The following ASIC2 variants were observed in gnomAD, a reference collection of about 807,000 sequenced individuals.
ASIC2 encodes the protein acid-sensing ion channel 2.
In ASIC2, 25 loss-of-function variants were observed where a neutral mutation model predicts 57.3. The observed-to-expected ratio is 0.44, with a 90% CI of 0.32 to 0.61. The LOEUF is 0.61. ASIC2 is among the 20% of genes least tolerant of loss of function. ASIC2 has a pLI of 0.06. For synonymous variants in ASIC2, 319 were observed against 307.5 expected (o/e 1.04, Z -0.39); for missense variants, 641 against 738.1 (o/e 0.87, Z 1.52).
intron 1 of ASIC2, among the ~76,000 whole-genome samples, chr17:33,851,005 C>A (rs1300646627): frequency 6.6e-6 from 1 of 152,036 alleles, no homozygotes; most frequent in Non-Finnish European, 1.5e-5. Flanking sequence ...TGGAAAGATC[C>A]CTCATGGAAG....
At chr17:33,124,443 C>A (rs1445642479) in intron 1 of ASIC2, among the ~76,000 whole-genome samples, 9 of 152,224 alleles carry the variant, frequency 5.9e-5, no homozygotes, top group Admixed American at 5.9e-4. Context: ...CTCTTTCCCT[C>A]TGGGACTCAC....
intron 1 of ASIC2, among the ~76,000 whole-genome samples, chr17:33,586,485 A>G (rs916032202): frequency 1.3e-5 from 2 of 152,092 alleles, no homozygotes; most frequent in Non-Finnish European, 2.9e-5. Context: ...AGAACCTTGC[A>G]TTGCTCTTGG....
intron 1 of ASIC2, among the ~76,000 whole-genome samples, chr17:33,397,893 G>A (rs925695115): frequency 3.3e-5 from 5 of 152,150 alleles, no homozygotes; most frequent in African/African-American, 1.2e-4. Context: ...TTTTAAAATC[G>A]TTCTTTAGTC....
At position 34,155,370 on chromosome 17, in the gene ASIC2, C is replaced by G. The variant is rs563557540; in HGVS notation, c.555+608G>C. ...CCCTGGGGTGCCCGGCCTCTCCTCTCCCCACATGGAGCTTAGAATTCACAC... is the reference window on the plus strand; with the variant it reads ...CCCTGGGGTGCCCGGCCTCTCCTCTGCCCACATGGAGCTTAGAATTCACAC... On this transcript the variant is annotated intron_variant, in intron 1 of 9. Transcript: ENST00000359872. Among the ~76,000 whole-genome samples the G allele has an allele frequency of 3.9e-5, 6 of 152,216 alleles. No homozygotes were observed. The South Asian group carries it at 1.2e-3, about 32-fold the overall frequency.
rs550868831 is a variant in ASIC2, at chr17:33,043,147, G to A, written c.988-14755C>T. The stretch of plus-strand genomic sequence containing the variant: ...TCACCGTGTTAGCCAGAATGGCCTC[G>A]ATCTCCTGACCTTGTGATCTGCCTT... On this transcript the variant is annotated intron_variant, in intron 3 of 9. Coordinates refer to ENST00000225823, the MANE Select transcript of ASIC2 (RefSeq NM_183377.2). Among the ~76,000 whole-genome samples the A allele has an allele frequency of 2.0e-5, 3 of 152,238 alleles. No homozygotes were observed. The East Asian group carries it at 5.8e-4, about 29-fold the overall frequency.
intron 1 of ASIC2, among the ~76,000 whole-genome samples, chr17:33,531,420 G>A (rs989710183): frequency 4.6e-5 from 7 of 152,162 alleles, no homozygotes; most frequent in African/African-American, 1.4e-4. Context: ...GTCAAGACAC[G>A]TGGGCCTCAA....
chr17:34,118,087 C>T (rs953345482), intron 1 of ASIC2, among the ~76,000 whole-genome samples: 3 of 152,150 alleles, frequency 2.0e-5, no homozygotes, highest in African/African-American at 7.2e-5. Context: ...GGTAGTTAAG[C>T]ATAGTGATTA....
At chr17:33,037,431 A>G (rs1367982382) in intron 3 of ASIC2, among the ~76,000 whole-genome samples, 11 of 135,412 alleles carry the variant, frequency 8.1e-5, no homozygotes, top group African/African-American at 3.2e-4. Context: ...CATGATTCAG[A>G]TACCCCTCCA....
intron 1 of ASIC2, among the ~76,000 whole-genome samples, chr17:33,594,714 G>C (rs1033789444): frequency 5.9e-5 from 9 of 151,986 alleles, no homozygotes; most frequent in African/African-American, 2.2e-4. Flanking sequence ...TGTAGTCCCA[G>C]CTACTCGGGA....
intron 1 of ASIC2, among the ~76,000 whole-genome samples, chr17:33,752,287 G>T (rs1386167785): frequency 6.6e-6 from 1 of 152,056 alleles, no homozygotes; most frequent in Admixed American, 6.5e-5. Flanking sequence ...AAATTAAAAT[G>T]AATCTAATTT....
At chr17:33,604,543 A>C (rs1233259748) in intron 1 of ASIC2, among the ~76,000 whole-genome samples, 2 of 152,210 alleles carry the variant, frequency 1.3e-5, no homozygotes, top group African/African-American at 2.4e-5. Context: ...GGGATGGAAC[A>C]CAAATGACAG....
chr17:33,857,071 A>C (rs1913976568), intron 1 of ASIC2, among the ~76,000 whole-genome samples: 1 of 152,066 alleles, frequency 6.6e-6, no homozygotes, highest in African/African-American at 2.4e-5. Flanking sequence ...GAGGGTGTGC[A>C]TTGCTCTCTG....
At chr17:33,842,249 C>T (rs1364286944) in intron 1 of ASIC2, among the ~76,000 whole-genome samples, 1 of 152,156 alleles carries the variant, frequency 6.6e-6, no homozygotes, top group Non-Finnish European at 1.5e-5. Context: ...GGCCTCAGTG[C>T]CCTGTACAGC....
intron 1 of ASIC2, among the ~76,000 whole-genome samples, chr17:34,122,230 T>G (rs1911642911): frequency 6.6e-6 from 1 of 152,208 alleles, no homozygotes; most frequent in Admixed American, 6.5e-5. Context: ...ATCATTATCT[T>G]CCTGGTATTC....
chr17:34,118,184 T>G (rs919269749), intron 1 of ASIC2, among the ~76,000 whole-genome samples: 1 of 152,194 alleles, frequency 6.6e-6, no homozygotes, highest in African/African-American at 2.4e-5. Context: ...GTTTACTTAA[T>G]TTTTCTAAGC....
chr17:34,130,529 G>A (rs11870384), intron 1 of ASIC2, among the ~76,000 whole-genome samples: 49,513 of 152,162 alleles, frequency 0.33, 8,982 homozygotes, highest in Middle Eastern at 0.45. Flanking sequence ...CAGGGAAAGA[G>A]ACAAGAAAGA....
chr17:33,483,146 G>A (rs186355544), intron 1 of ASIC2, among the ~76,000 whole-genome samples: 8 of 152,220 alleles, frequency 5.3e-5, no homozygotes, highest in Admixed American at 4.6e-4. Flanking sequence ...AGATCTACGC[G>A]GCCTCCTGAC....
intron 1 of ASIC2, among the ~76,000 whole-genome samples, chr17:33,562,468 A>T (rs777376440): frequency 7.2e-5 from 11 of 152,216 alleles, no homozygotes; most frequent in Non-Finnish European, 1.5e-4. Context: ...CAGCTTGGAA[A>T]AAAGCAGAAG....
chr17:33,187,797 T>G (rs1906253993), intron 1 of ASIC2, among the ~76,000 whole-genome samples: 1 of 151,424 alleles, frequency 6.6e-6, no homozygotes, highest in Non-Finnish European at 1.5e-5. Flanking sequence ...GTAACTTAAT[T>G]GCATCCCAGG....
Sources: allele counts gnomAD v4.1 joint callset (sites outside exome capture counted in the v4.1 genomes callset), GRCh38; gene constraint gnomAD v4.1.1; transcripts MANE v1.5; gene names NCBI Gene and HGNC (gene_info 2026-07-23, HGNC 2026-07-21).